SSH2: variants seen among roughly 807,000 people sequenced by gnomAD.
The protein encoded by SSH2 is slingshot protein phosphatase 2, also known as protein phosphatase Slingshot homolog 2.
Under a neutral mutation model 135.2 loss-of-function variants are expected in SSH2, and 37 were observed. The ratio of observed to expected loss-of-function variants is 0.27; its 90% CI spans 0.21 to 0.36. SSH2 has a LOEUF of 0.36. SSH2 is among the 10% of genes least tolerant of loss of function. The probability of loss-of-function intolerance (pLI) is 1.00; values close to 1 mark genes in which losing one functional copy is unlikely to be tolerated. For synonymous variants in SSH2, 628 were observed against 646.2 expected (o/e 0.97, Z 0.43); for missense variants, 1,408 against 1,765.3 (o/e 0.80, Z 3.63).
At chr17:29,706,720 A>G (rs189002473) in intron 3 of SSH2, among the ~76,000 whole-genome samples, 31 of 152,362 alleles carry the variant, frequency 2.0e-4, no homozygotes, top group African/African-American at 7.5e-4. Context: ...AGCTTTGGAC[A>G]CTGTGGGTTC....
chr17:29,874,440 C>A (rs1397425448), intron 1 of SSH2, among the ~76,000 whole-genome samples: 1 of 152,144 alleles, frequency 6.6e-6, no homozygotes, highest in South Asian at 2.1e-4. Context: ...CCTATAACCC[C>A]GATAAGGGAG....
intron 1 of SSH2, among the ~76,000 whole-genome samples, chr17:29,861,382 C>A (rs1358016908): frequency 6.6e-6 from 1 of 152,088 alleles, no homozygotes; most frequent in Non-Finnish European, 1.5e-5. Flanking sequence ...CTTTAACAGC[C>A]TTTGTGACTG....
At chr17:29,783,184 G>T (rs1271395271) in intron 3 of SSH2, among the ~76,000 whole-genome samples, 1 of 151,530 alleles carries the variant, frequency 6.6e-6, no homozygotes, top group East Asian at 1.9e-4. Context: ...GCAGGTCCAG[G>T]TGGGGTCATT....
chr17:29,774,653 T>G (rs2041657821), intron 3 of SSH2, among the ~76,000 whole-genome samples: 1 of 152,204 alleles, frequency 6.6e-6, no homozygotes, highest in Non-Finnish European at 1.5e-5. Flanking sequence ...GAGAAGTGGA[T>G]AAGCATGATG....
At chr17:29,778,663 AAT>A (rs2041767300) in intron 3 of SSH2, among the ~76,000 whole-genome samples, 8 of 149,122 alleles carry the variant, frequency 5.4e-5, no homozygotes, top group African/African-American at 2.0e-4. Flanking sequence ...AATAAATAAA[AAT>A]AAATAAATAA....
At position 29,686,754 on chromosome 17, in the gene SSH2, C is replaced by T. The variant is rs1226273992; in HGVS notation, c.358-2070G>A. On this transcript the variant is annotated intron_variant, in intron 5 of 15. Transcript: ENST00000540801. ...CGTGATCTCGGCTCACTGCAACCTC[C>T]GCTTCTTGGGTTCAAGCGATTCTCC... Among the ~76,000 whole-genome samples, 11 of 152,022 alleles carry T rather than the reference C, an allele frequency of 7.2e-5. No homozygotes were observed. The East Asian group carries it at 7.7e-4, about 11-fold the overall frequency.
chr17:29,701,111 C>G (rs2038959105), intron 4 of SSH2, among the ~76,000 whole-genome samples: 1 of 152,146 alleles, frequency 6.6e-6, no homozygotes, highest in Non-Finnish European at 1.5e-5. Flanking sequence ...GCTGGGACCA[C>G]AGGCGCCCGC....
intron 1 of SSH2, among the ~76,000 whole-genome samples, chr17:29,874,604 C>T (rs1002874080): frequency 6.6e-6 from 1 of 152,066 alleles, no homozygotes; most frequent in Non-Finnish European, 1.5e-5. Flanking sequence ...AAAGAAGGTG[C>T]CTTGCTTCCC....
chr17:29,761,328 G>A (rs1245286371), intron 3 of SSH2: 5 of 1,134,158 alleles, frequency 4.4e-6, no homozygotes, highest in Non-Finnish European at 4.4e-6. Context: ...GCTCTGCTCC[G>A]GCACGAGGCG....
At chr17:29,763,269 T>G (rs2041365640) in intron 3 of SSH2, among the ~76,000 whole-genome samples, 1 of 152,084 alleles carries the variant, frequency 6.6e-6, no homozygotes, top group African/African-American at 2.4e-5. Flanking sequence ...AGGTGGCAAG[T>G]GAAGAGTTAA....
intron 4 of SSH2, among the ~76,000 whole-genome samples, chr17:29,699,288 A>G (rs2038886291): frequency 6.6e-6 from 1 of 152,180 alleles, no homozygotes; most frequent in Non-Finnish European, 1.5e-5. Flanking sequence ...GTATTTGGAT[A>G]TTTCAAATGC....
Position 29,635,993 on chromosome 17 carries a change from G to C in SSH2, c.2237C>G (p.Ser746Cys), listed in dbSNP as rs1199844840. 2.5e-6 allele frequency: 4 copies of C among 1,612,958 alleles called. No individual in the cohort carries two copies. Among genetic ancestry groups the C allele is most frequent in the Non-Finnish European group, 3.4e-6 (4 of 1,179,156 alleles). The part of the protein sequence containing the change: ...LSNTPHASEE[S>C]SMDEEQSKAI... The stretch of plus-strand genomic sequence containing the variant: ...CTTTGACTGTTCCTCATCCATTGAA[G>C]ATTCTTCTGATGCATGGGGAGTATT... Residue 746 changes from serine to cysteine, a missense_variant, in exon 15 of 16, where the codon TCT (serine) becomes TGT (cysteine). Around this residue, in one of 3 missense-constraint regions of SSH2, gnomAD observed 1,080 missense variants for 1,144.5 expected, o/e 0.94. Transcript: ENST00000540801.
rs552362863 is a variant in SSH2 at position 29,813,371 on chromosome 17, A to G, written c.145-19434T>C. 2.6e-5 allele frequency among the ~76,000 whole-genome samples: 4 copies of G among 151,488 alleles called. No individual in the cohort carries two copies. In the East Asian group the frequency reaches 5.9e-4, roughly 22 times the overall value. On this transcript the variant is annotated intron_variant, in intron 2 of 15. Transcript: ENST00000540801. ...CTGCACTCCAGACTGGGTGAGTGAG[A>G]CTCTGTAAAAAAGGCAAAGACTAGA...
At chr17:29,733,008 T>C (rs904375292) in intron 3 of SSH2, among the ~76,000 whole-genome samples, 4 of 152,164 alleles carry the variant, frequency 2.6e-5, no homozygotes, top group Admixed American at 1.3e-4. Flanking sequence ...TTCAGCAGTT[T>C]AGTCTCCTGG....
intron 3 of SSH2, chr17:29,777,883 A>G (rs962366942): frequency 4.0e-5 from 6 of 151,166 alleles, no homozygotes; most frequent in African/African-American, 1.5e-4. Context: ...GCAGCCTGCC[A>G]TGAGTAAGGG....
intron 1 of SSH2, among the ~76,000 whole-genome samples, chr17:29,900,939 C>T (rs1362930037): frequency 2.0e-5 from 3 of 152,146 alleles, no homozygotes; most frequent in Non-Finnish European, 4.4e-5. Flanking sequence ...CCATGGAATA[C>T]TATGCAGCCA....
At chr17:29,684,541 T>G in intron 6 of SSH2, 22 bp downstream of exon 6, 1 of 1,588,160 alleles carries the variant, frequency 6.3e-7, no homozygotes, top group Non-Finnish European at 8.5e-7. Context: ...AGTTTTCACA[T>G]TTTGAAATGG....
chr17:29,885,779 C>A (rs1378161930), intron 1 of SSH2, among the ~76,000 whole-genome samples: 1 of 152,132 alleles, frequency 6.6e-6, no homozygotes, highest in East Asian at 1.9e-4. Context: ...GCAAGTCTCA[C>A]GAGATCTGAT....
rs200537314 is a variant in SSH2, at chr17:29,861,074, G to GT, written c.64-12146dup. Among the ~76,000 whole-genome samples, 346 of 150,642 alleles carry GT rather than the reference G, an allele frequency of 2.3e-3. 2 individuals are homozygous for GT. Among genetic ancestry groups the GT allele is most frequent in the Admixed American group, 6.0e-3 (91 of 15,088 alleles). ...GGCCCACTTTTAAATGGAGTTTTTT[G>GT]TTTTTTTTTCTTGTATATCTGTTTA... is the stretch of plus-strand genomic sequence containing the variant. On this transcript the variant is annotated intron_variant, in intron 1 of 15. Transcript: ENST00000540801.
Sources: gnomAD v4.1 joint callset for allele counts (sites outside exome capture counted in the v4.1 genomes callset) on GRCh38, gnomAD v4.1.1 for gene constraint, gnomAD v4.1.1 regional missense constraint, MANE v1.5 for transcripts, NCBI Gene and HGNC (gene_info 2026-07-23, HGNC 2026-07-21) for gene names.